P2RX5: variants seen among roughly 807,000 people sequenced by gnomAD.
The protein encoded by P2RX5 is P2X purinoceptor 5.
Under a neutral mutation model 54.1 loss-of-function variants are expected in P2RX5, and 46 were observed. That is an observed-to-expected ratio of 0.85 (90% confidence interval 0.67 to 1.09). The LOEUF is 1.09. Among genes scored for constraint, P2RX5 ranks in the 50% least tolerant of loss-of-function variants. P2RX5 has a pLI of 0.00. For synonymous variants in P2RX5, 226 were observed against 226.4 expected, an observed-to-expected ratio of 1.00 and a Z score of 0.02; for missense variants, 566 against 549.8, an observed-to-expected ratio of 1.03 and a Z score of -0.29.
At chr17:3,714,996 C>T in the P2RX5 span, 1 of 1,091,206 alleles carries the variant, frequency 9.2e-7, no homozygotes, top group South Asian at 1.3e-5. Flanking sequence ...CCATCTGTTT[C>T]AGAAAACCGG....
the P2RX5 span, among the ~76,000 whole-genome samples, chr17:3,709,858 G>A: frequency 1.3e-5 from 2 of 152,170 alleles, no homozygotes; most frequent in Admixed American, 1.3e-4. Context: ...GCAGTAAGCC[G>A]AGATCATGCT....
the P2RX5 span, among the ~76,000 whole-genome samples, chr17:3,709,054 C>T: frequency 1.7e-3 from 255 of 152,208 alleles, 2 homozygotes; most frequent in African/African-American, 5.3e-3. Flanking sequence ...CGTGTTCAAG[C>T]GATTCTCCTG....
chr17:3,702,795 A>G, the P2RX5 span, among the ~76,000 whole-genome samples: 1 of 152,228 alleles, frequency 6.6e-6, no homozygotes, highest in Non-Finnish European at 1.5e-5. Flanking sequence ...AGTTCCAGAC[A>G]CATTGGGACT....
the P2RX5 span, among the ~76,000 whole-genome samples, chr17:3,708,781 CCCCAGCATT>C: frequency 2.0e-5 from 3 of 152,020 alleles, no homozygotes; most frequent in Non-Finnish European, 4.4e-5. Flanking sequence ...CCCACCTGAC[CCCCAGCATT>C]TAGCAGCAGC....
chr17:3,723,247 C>A, the P2RX5 span: 2 of 1,300,938 alleles, frequency 1.5e-6, no homozygotes, highest in South Asian at 2.4e-5. Flanking sequence ...TGCCCGTGAG[C>A]AACTGGATAA....
intron 5 of P2RX5, 105 bp from the exon 6 acceptor site, chr17:3,690,255 T>C: frequency 4.0e-6 from 5 of 1,237,324 alleles, no homozygotes; most frequent in Non-Finnish European, 5.9e-6. Flanking sequence ...CTGGAGCCTC[T>C]GCCCAGGACA....
At position 3,688,706 on chromosome 17, in the gene P2RX5, G is replaced by T. The variant is rs747838857; in HGVS notation, c.807C>A (p.Ala269=). 22 of 1,613,654 alleles carry T rather than the reference G, an allele frequency of 1.4e-5. No homozygotes were observed. The highest frequency in any genetic ancestry group is 3.3e-5 in the Admixed American group (2 of 60,022). The change falls in exon 8 of 12, where the codon GCC becomes GCA. Residue 269 remains alanine (A), a synonymous_variant. Transcript: ENST00000225328. ...IEWNCDLDKA[A]SECHPHYSFS... Reference sequence around the variant, plus strand: ...AAGAATAGTGAGGGTGGCACTCAGAGGCAGCTTTATCAAGATCACAGTTCC... The same window carrying T: ...AAGAATAGTGAGGGTGGCACTCAGATGCAGCTTTATCAAGATCACAGTTCC...
intron 8 of P2RX5, among the ~76,000 whole-genome samples, chr17:3,688,409 G>C (rs966264848): frequency 2.6e-5 from 4 of 152,204 alleles, no homozygotes; most frequent in Non-Finnish European, 5.9e-5. Context: ...TTCACGGAGA[G>C]AAACAGGCAA....
At chr17:3,701,707 A>AATAAT in the P2RX5 span, among the ~76,000 whole-genome samples, 2 of 139,922 alleles carry the variant, frequency 1.4e-5, no homozygotes, top group Non-Finnish European at 3.1e-5. Context: ...AAAAAAAAAA[A>AATAAT]AAAAAAAAAA....
At chr17:3,680,145 GAGTCCTCCATC>G (rs1567730135) in intron 10 of P2RX5, among the ~76,000 whole-genome samples, 5,246 of 116,832 alleles carry the variant, frequency 0.045, 1,185 homozygotes, top group Admixed American at 0.058. Flanking sequence ...CCTCCACCCT[GAGTCCTCCATC>G]CGGTGTCCTC....
the P2RX5 span, among the ~76,000 whole-genome samples, chr17:3,701,687 T>A: frequency 1.1e-5 from 1 of 93,094 alleles, no homozygotes. Flanking sequence ...AGAGTGAAAC[T>A]CTGTCTCAGA....
At chr17:3,716,652 G>T in the P2RX5 span, 1 of 1,247,822 alleles carries the variant, frequency 8.0e-7, no homozygotes. Context: ...CTAGAGCCCA[G>T]TCTTCCCTCA....
intron 1 of P2RX5, chr17:3,692,033 A>G: frequency 7.2e-6 from 4 of 558,236 alleles, no homozygotes; most frequent in Non-Finnish European, 9.7e-6. Flanking sequence ...CTGAAGAGGC[A>G]AAGACCAGCC....
At chr17:3,715,258 C>T in the P2RX5 span, among the ~76,000 whole-genome samples, 5 of 152,140 alleles carry the variant, frequency 3.3e-5, no homozygotes, top group African/African-American at 1.2e-4. Flanking sequence ...TGCAAAAATA[C>T]TCAGTATAGC....
At position 3,689,592 on chromosome 17, in the gene P2RX5, T is replaced by C. The variant is rs775464125; in HGVS notation, c.653A>G (p.Lys218Arg). The C allele has an allele frequency of 9.3e-6, 15 of 1,614,044 alleles. No individual in the cohort carries two copies. The Admixed American group carries it at 2.5e-4, about 27-fold the overall frequency. The change falls in exon 7 of 12, where the codon AAA becomes AGA. Residue 218 changes from lysine (K) to arginine (R), a missense_variant. Transcript: ENST00000225328. ...VMDVKDRSFL[K>R]SCHFGPKNHY... is the part of the protein sequence containing the mutation. ...GTTCTTGGGGCCAAAGTGGCATGAT[T>C]TCAGGAAAGATCTGTCCTTGACGTC...
chr17:3,699,046 T>TAGAC (rs1284452048), upstream of P2RX5, among the ~76,000 whole-genome samples: 8 of 89,440 alleles, frequency 8.9e-5, no homozygotes, highest in South Asian at 5.0e-4. Flanking sequence ...TCTATATATA[T>TAGAC]AGACAGACAC....
chr17:3,695,028 T>C lies in P2RX5; in HGVS notation c.137+841A>G, dbSNP rs73312638. Among the ~76,000 whole-genome samples the C allele has an allele frequency of 6.8e-3, 1,034 of 152,344 alleles. 4 individuals are homozygous for C. The highest frequency in any genetic ancestry group is 0.02 in the Middle Eastern group (6 of 294). On this transcript the variant is annotated intron_variant, in intron 1 of 11. Coordinates refer to ENST00000225328, the MANE Select transcript of P2RX5 (RefSeq NM_002561.4). ...GGGATGCAGCTCAGAGAACGCGGAC[T>C]GCTGGACCTCCGAGGGAGAGCCAGG...
chr17:3,682,220 C>T (rs927711614), intron 9 of P2RX5: 7 of 548,632 alleles, frequency 1.3e-5, no homozygotes, highest in African/African-American at 3.8e-5. Flanking sequence ...TCCCCGACCC[C>T]GCACCACCCG....
chr17:3,690,756 T>C (rs2050591895), intron 3 of P2RX5, 76 bp from the exon 4 acceptor site: 2 of 1,454,222 alleles, frequency 1.4e-6, no homozygotes, highest in Admixed American at 1.7e-5. Flanking sequence ...GGAGATAGAA[T>C]AGGGGTTCTT....
Sources: gnomAD v4.1 joint callset for allele counts (sites outside exome capture counted in the v4.1 genomes callset) on GRCh38, gnomAD v4.1.1 for gene constraint, MANE v1.5 for transcripts, NCBI Gene and HGNC (gene_info 2026-07-23, HGNC 2026-07-21) for gene names.